GLG1: variants seen among roughly 807,000 people sequenced by gnomAD.
The protein encoded by GLG1 is Golgi apparatus protein 1.
Under a neutral mutation model 160.5 loss-of-function variants are expected in GLG1, and 38 were observed. The observed-to-expected ratio is 0.24, with a 90% CI of 0.18 to 0.31. The LOEUF is 0.31. GLG1 is among the 10% of genes least tolerant of loss of function. The pLI, the probability that GLG1 is intolerant of heterozygous loss-of-function variation, is 1.00. For synonymous variants in GLG1, 644 were observed against 543.4 expected, an observed-to-expected ratio of 1.19 and a Z score of -2.57; for missense variants, 1,373 against 1,505.2, an observed-to-expected ratio of 0.91 and a Z score of 1.45.
intron 1 of GLG1, among the ~76,000 whole-genome samples, chr16:74,603,090 AAAC>A (rs74553816): frequency 1.6e-4 from 24 of 150,252 alleles, no homozygotes; most frequent in African/African-American, 2.2e-4. Flanking sequence ...ACTTCGTCTC[AAAC>A]AACAACAACA....
chr16:74,584,169 T>C (rs137933955), intron 1 of GLG1, among the ~76,000 whole-genome samples: 2 of 152,282 alleles, frequency 1.3e-5, no homozygotes, highest in East Asian at 3.9e-4. Flanking sequence ...ATAGACCTCC[T>C]AGTTCCCCCG....
intron 1 of GLG1, among the ~76,000 whole-genome samples, chr16:74,567,036 G>T: frequency 6.6e-6 from 1 of 152,144 alleles, no homozygotes; most frequent in East Asian, 1.9e-4. Context: ...AAAGAAAATT[G>T]TCTTTGCCCA....
intron 18 of GLG1, among the ~76,000 whole-genome samples, chr16:74,466,106 C>T (rs914438559): frequency 6.6e-6 from 1 of 152,144 alleles, no homozygotes. Flanking sequence ...GCTCCTTGTC[C>T]ACATTCATTT....
chr16:74,453,769 G>A (rs570891496), intron 25 of GLG1, among the ~76,000 whole-genome samples: 2 of 152,272 alleles, frequency 1.3e-5, no homozygotes, highest in South Asian at 4.1e-4. Flanking sequence ...AAGGCCATGG[G>A]TTCTTCTATC....
intron 2 of GLG1, among the ~76,000 whole-genome samples, chr16:74,527,674 A>T (rs2017383417): frequency 6.6e-6 from 1 of 152,086 alleles, no homozygotes; most frequent in Non-Finnish European, 1.5e-5. Flanking sequence ...AGGATTTCTC[A>T]CAGTGTGCAA....
chr16:74,605,953 T>TC (rs904765536), intron 1 of GLG1, among the ~76,000 whole-genome samples: 3 of 152,092 alleles, frequency 2.0e-5, no homozygotes, highest in African/African-American at 7.2e-5. Flanking sequence ...CTCAACTGAA[T>TC]CACACCAAGC....
At chr16:74,596,505 G>A (rs1958306803) in intron 1 of GLG1, among the ~76,000 whole-genome samples, 1 of 152,098 alleles carries the variant, frequency 6.6e-6, no homozygotes, top group Non-Finnish European at 1.5e-5. Flanking sequence ...CTCCAGCCTG[G>A]GCCACAAGAG....
Position 74,462,526 on chromosome 16 carries a change from G to C in GLG1, c.2896C>G (p.Gln966Glu), listed in dbSNP as rs534347421. ...CTCAGCTTCAGGCAAGAGATGACTTGTCCTTCTAATTCTGAATCATCCTTG... is the reference window on the plus strand; with the variant it reads ...CTCAGCTTCAGGCAAGAGATGACTTCTCCTTCTAATTCTGAATCATCCTTG... ...KAKDDSELEG[Q>E]VISCLKLRYA... is the part of the protein sequence containing the mutation. Residue 966 changes from glutamine (Q) to glutamate (E), a missense_variant, in exon 21 of 26, where the codon CAA becomes GAA. Gln to Glu is a conservative substitution (Grantham distance 29). Coordinates refer to ENST00000422840, the MANE Select transcript of GLG1 (RefSeq NM_001145667.2). 6.2e-7 allele frequency: 1 copy of C among 1,613,916 alleles called. No homozygotes were observed. Among genetic ancestry groups the C allele is most frequent in the African/African-American group, 1.3e-5 (1 of 75,032 alleles).
intron 1 of GLG1, among the ~76,000 whole-genome samples, chr16:74,592,212 G>A (rs1958200651): frequency 6.6e-6 from 1 of 152,162 alleles, no homozygotes; most frequent in African/African-American, 2.4e-5. Context: ...GAGCGATCTT[G>A]GCTCACTGCA....
At chr16:74,571,950 TG>T (rs1304610130) in intron 1 of GLG1, among the ~76,000 whole-genome samples, 1 of 152,264 alleles carries the variant, frequency 6.6e-6, no homozygotes, top group Non-Finnish European at 1.5e-5. Context: ...GCCTGTTTCC[TG>T]ACGCACAGAT....
At chr16:74,569,274 T>C (rs2018750575) in intron 1 of GLG1, among the ~76,000 whole-genome samples, 1 of 152,192 alleles carries the variant, frequency 6.6e-6, no homozygotes, top group Non-Finnish European at 1.5e-5. Context: ...CAGAATTCCC[T>C]AGCATAAGCA....
intron 1 of GLG1, among the ~76,000 whole-genome samples, chr16:74,598,618 C>T (rs914108378): frequency 6.6e-6 from 1 of 151,728 alleles, no homozygotes; most frequent in African/African-American, 2.4e-5. Flanking sequence ...TAAGGCCGGG[C>T]GCGGTGGCTC....
At chr16:74,548,084 C>G (rs1387414053) in intron 1 of GLG1, among the ~76,000 whole-genome samples, 2 of 152,212 alleles carry the variant, frequency 1.3e-5, no homozygotes, top group African/African-American at 2.4e-5. Context: ...CGTGCGCCAC[C>G]AAGCCCAGCT....
At chr16:74,490,887 T>C (rs1383533371) in intron 8 of GLG1, 114 bp downstream of exon 8, 3 of 708,418 alleles carry the variant, frequency 4.2e-6, no homozygotes, top group South Asian at 3.5e-5. Context: ...TAGTACCTAA[T>C]GTTCAATGTG....
chr16:74,531,526 C>T (rs2017533637), intron 2 of GLG1, among the ~76,000 whole-genome samples: 1 of 151,812 alleles, frequency 6.6e-6, no homozygotes, highest in Non-Finnish European at 1.5e-5. Context: ...CAGGATTCTC[C>T]ATGTTGGCTG....
intron 1 of GLG1, among the ~76,000 whole-genome samples, chr16:74,592,071 G>A (rs1438607611): frequency 2.6e-5 from 4 of 152,194 alleles, no homozygotes; most frequent in Non-Finnish European, 5.9e-5. Flanking sequence ...TCTGGCTTAT[G>A]CAATCTGCCA....
chr16:74,530,785 A>T (rs1415382327), intron 2 of GLG1, among the ~76,000 whole-genome samples: 6 of 152,104 alleles, frequency 3.9e-5, no homozygotes, highest in Non-Finnish European at 8.8e-5. Context: ...TACAGGTGCG[A>T]ACCCATTTAT....
chr16:74,603,567 C>A (rs925084510), intron 1 of GLG1, among the ~76,000 whole-genome samples: 1 of 152,006 alleles, frequency 6.6e-6, no homozygotes, highest in Non-Finnish European at 1.5e-5. Context: ...TGAGCCACTG[C>A]GCCCGGCTGA....
Position 74,462,081 on chromosome 16 carries a change from AC to A in GLG1, c.3036+12del. The A allele has an allele frequency of 6.9e-7, 1 of 1,458,940 alleles. No individual in the cohort carries two copies. Among genetic ancestry groups the A allele is most frequent in the Non-Finnish European group, 9.6e-7 (1 of 1,041,478 alleles). 90.4% of individuals were successfully genotyped at this position (1,458,940 alleles called of 1,614,324 possible). ...CAGCTCTGTGCGTAACCAGTTTTGC[AC>A]GCAAATCCCACCTCGTCTGAGCAGT... On this transcript the variant is annotated intron_variant, in intron 22 of 25. Coordinates refer to ENST00000422840, the MANE Select transcript of GLG1 (RefSeq NM_001145667.2).
Sources: gnomAD v4.1 joint callset for allele counts (sites outside exome capture counted in the v4.1 genomes callset) on GRCh38, gnomAD v4.1.1 for gene constraint, MANE v1.5 for transcripts, NCBI Gene and HGNC (gene_info 2026-07-23, HGNC 2026-07-21) for gene names.